Variants in RAD54L2 observed in about 807,000 individuals in gnomAD.
The protein encoded by RAD54L2 is RAD54 like 2.
Under a neutral mutation model 138.4 loss-of-function variants are expected in RAD54L2, and 27 were observed. The observed-to-expected ratio is 0.20, with a 90% confidence interval of 0.14 to 0.27. The LOEUF is 0.27. Among genes scored for constraint, RAD54L2 ranks in the 10% least tolerant of loss-of-function variants. The pLI, the probability that RAD54L2 is intolerant of heterozygous loss-of-function variation, is 1.00. For synonymous variants in RAD54L2, 644 were observed against 723.2 expected (o/e 0.89, Z 1.76); for missense variants, 1,396 against 1,890.2 (o/e 0.74, Z 4.85).
At chr3:51,630,552 T>G in intron 6 of RAD54L2, 153 bp from the exon 7 acceptor site, 1 of 981,834 alleles carries the variant, frequency 1.0e-6, no homozygotes, top group Non-Finnish European at 1.5e-6. Flanking sequence ...TTGTCTTAAC[T>G]TGAAGCTGAA....
chr3:51,643,268 C>T (rs1239852951), intron 15 of RAD54L2, among the ~76,000 whole-genome samples: 3 of 152,172 alleles, frequency 2.0e-5, no homozygotes, highest in South Asian at 2.1e-4. Context: ...CTCTTGACCT[C>T]GTGATCTGCA....
intron 2 of RAD54L2, among the ~76,000 whole-genome samples, chr3:51,588,707 G>A (rs1253003786): frequency 6.6e-6 from 1 of 152,054 alleles, no homozygotes. Context: ...CGAAGGAATG[G>A]CCTTTACAGC....
chr3:51,634,650 G>A (rs912178628), intron 9 of RAD54L2, among the ~76,000 whole-genome samples: 4 of 152,118 alleles, frequency 2.6e-5, no homozygotes, highest in East Asian at 1.9e-4. Context: ...GATTACAGGC[G>A]TAAGCCACCA....
chr3:51,608,106 C>T (rs1700243315), intron 3 of RAD54L2, among the ~76,000 whole-genome samples: 1 of 151,260 alleles, frequency 6.6e-6, no homozygotes, highest in African/African-American at 2.4e-5. Flanking sequence ...CCTCACTTCT[C>T]AGACGGGGCG....
chr3:51,566,484 T>G (rs1189795047), intron 2 of RAD54L2, among the ~76,000 whole-genome samples: 5 of 137,506 alleles, frequency 3.6e-5, no homozygotes, highest in African/African-American at 5.5e-5. Context: ...TTTTTTTTTT[T>G]TTTTTTTTTT....
intron 7 of RAD54L2, among the ~76,000 whole-genome samples, chr3:51,631,981 CT>C (rs1700856309): frequency 6.6e-6 from 1 of 152,074 alleles, no homozygotes; most frequent in African/African-American, 2.4e-5. Context: ...CTTCCTCCCC[CT>C]CCTCTCCCTT....
Position 51,664,711 on chromosome 3 carries a change from T to C in RAD54L2, c.*1291T>C, listed in dbSNP as rs1389004043. The C allele has an allele frequency of 6.6e-6, 1 of 152,142 alleles. No individual in the cohort carries two copies. The highest frequency in any genetic ancestry group is 1.5e-5 in the Non-Finnish European group (1 of 68,014). 9.4% of individuals were successfully genotyped at this position (152,142 alleles called of 1,614,324 possible). A position where few individuals can be genotyped will look rare whatever the true frequency, so the allele number is the denominator to read the frequency against. ...AGGTTTGGATTAAACAACTATATTT[T>C]TGAGAGATGGCTTTTCAGGAAGATC... On this transcript the variant is annotated 3_prime_UTR_variant, in exon 23 of 23. Transcript: ENST00000684192.
At chr3:51,648,582 T>A (rs908578250) in intron 19 of RAD54L2, among the ~76,000 whole-genome samples, 1 of 152,118 alleles carries the variant, frequency 6.6e-6, no homozygotes, top group Non-Finnish European at 1.5e-5. Flanking sequence ...CGGGTGCCCC[T>A]CTGAGACGAA....
intron 2 of RAD54L2, among the ~76,000 whole-genome samples, chr3:51,575,280 G>A (rs550366677): frequency 2.1e-4 from 32 of 152,254 alleles, no homozygotes; most frequent in African/African-American, 4.3e-4. Flanking sequence ...GTCAGGTAGC[G>A]TGATGCCTCC....
At chr3:51,655,225 C>T (rs886982470) in intron 19 of RAD54L2, among the ~76,000 whole-genome samples, 1 of 151,710 alleles carries the variant, frequency 6.6e-6, no homozygotes. Flanking sequence ...TTTTCCCCCT[C>T]CAGGCCCAAA....
intron 2 of RAD54L2, among the ~76,000 whole-genome samples, chr3:51,568,136 G>A (rs905522688): frequency 6.6e-6 from 1 of 152,010 alleles, no homozygotes; most frequent in Admixed American, 6.6e-5. Flanking sequence ...TTATTACTTA[G>A]TATGGCTGAG....
chr3:51,643,303 G>T (rs1433180587), intron 15 of RAD54L2, among the ~76,000 whole-genome samples: 1 of 152,224 alleles, frequency 6.6e-6, no homozygotes, highest in Non-Finnish European at 1.5e-5. Flanking sequence ...AAACTGTTGG[G>T]ATTACAGGCG....
intron 2 of RAD54L2, among the ~76,000 whole-genome samples, chr3:51,556,872 G>T (rs1461363152): frequency 6.6e-6 from 1 of 152,024 alleles, no homozygotes; most frequent in Non-Finnish European, 1.5e-5. Context: ...CACTGCACCC[G>T]GCCCTATATA....
In RAD54L2 at chr3:51,598,215, A is replaced by G. The variant is rs532169303; in HGVS notation, c.139+7656A>G. Among the ~76,000 whole-genome samples the G allele has an allele frequency of 2.0e-5, 3 of 149,378 alleles. No individual in the cohort carries two copies. The South Asian group carries it at 6.3e-4, about 31-fold the overall frequency. Reference sequence around the variant, plus strand: ...TATATATATTTGGCTTATAACTCCCATAGTCTTTGTTACAGTCTTTTGTTA... The same window carrying G: ...TATATATATTTGGCTTATAACTCCCGTAGTCTTTGTTACAGTCTTTTGTTA... On this transcript the variant is annotated intron_variant, in intron 3 of 22. Transcript: ENST00000684192.
chr3:51,622,223 T>G (rs1559639964), intron 3 of RAD54L2, among the ~76,000 whole-genome samples: 1 of 152,194 alleles, frequency 6.6e-6, no homozygotes, highest in South Asian at 2.1e-4. Flanking sequence ...TCTCTTTTAG[T>G]TCTCATGTCT....
chr3:51,590,833 G>A (rs1328758257), intron 3 of RAD54L2, among the ~76,000 whole-genome samples: 1 of 152,204 alleles, frequency 6.6e-6, no homozygotes, highest in African/African-American at 2.4e-5. Flanking sequence ...TTCGAGTGTT[G>A]CATACTTGCC....
chr3:51,550,181 G>A (rs1410741317), intron 2 of RAD54L2, among the ~76,000 whole-genome samples: 2 of 152,104 alleles, frequency 1.3e-5, no homozygotes, highest in Non-Finnish European at 2.9e-5. Flanking sequence ...GGGTGCTCCT[G>A]TGCTGCCTCC....
intron 2 of RAD54L2, among the ~76,000 whole-genome samples, chr3:51,587,529 G>A (rs1039039682): frequency 6.6e-6 from 1 of 152,202 alleles, no homozygotes; most frequent in Non-Finnish European, 1.5e-5. Flanking sequence ...CTTTGCAGAT[G>A]TTTTTGGAAG....
At chr3:51,601,508 A>T (rs2106736101) in intron 3 of RAD54L2, among the ~76,000 whole-genome samples, 1 of 151,526 alleles carries the variant, frequency 6.6e-6, no homozygotes, top group South Asian at 2.1e-4. Flanking sequence ...GGGTTTCACC[A>T]TGTTGGTTAG....
Sources: gnomAD v4.1 joint callset for allele counts (sites outside exome capture counted in the v4.1 genomes callset) on GRCh38, gnomAD v4.1.1 for gene constraint, MANE v1.5 for transcripts, NCBI Gene and HGNC (gene_info 2026-07-23, HGNC 2026-07-21) for gene names.